The following TANK variants were observed in gnomAD, a reference collection of about 807,000 sequenced individuals.
The protein encoded by TANK is TRAF family member associated NFKB activator.
Under a neutral mutation model 43.6 loss-of-function variants are expected in TANK, and 15 were observed. The observed-to-expected ratio is 0.34, with a 90% CI of 0.23 to 0.53. TANK has a LOEUF of 0.53. Among genes scored for constraint, TANK ranks in the 20% least tolerant of loss-of-function variants. TANK has a pLI of 0.94. For synonymous variants in TANK, 162 were observed against 178.2 expected (o/e 0.91, Z 0.73); for missense variants, 417 against 498.6 (o/e 0.84, Z 1.56).
intron 4 of TANK, chr2:161,219,819 C>A: frequency 2.4e-6 from 1 of 415,250 alleles, no homozygotes; most frequent in South Asian, 1.8e-5. Flanking sequence ...TTTAACATTT[C>A]ATTCTTAGTT....
At chr2:161,203,436 A>G (rs1474757871) in intron 2 of TANK, 51 bp from the exon 3 acceptor site, 1 of 1,202,366 alleles carries the variant, frequency 8.3e-7, no homozygotes, top group Non-Finnish European at 1.2e-6. Flanking sequence ...TGGTAAATAT[A>G]TGTTCATGTC....
upstream of TANK, among the ~76,000 whole-genome samples, chr2:161,157,710 GTCTC>G (rs1684262428): frequency 6.6e-6 from 1 of 152,194 alleles, no homozygotes; most frequent in Non-Finnish European, 1.5e-5. Context: ...TTGAGACAGA[GTCTC>G]TCTCTGTTGC....
intron 2 of TANK, among the ~76,000 whole-genome samples, chr2:161,191,114 T>G (rs2105320647): frequency 6.6e-6 from 1 of 152,324 alleles, no homozygotes; most frequent in South Asian, 2.1e-4. Context: ...TCACTGCAAT[T>G]TGAGACTCAG....
chr2:161,153,915 G>T (rs1378955386), intron 1 of TANK, among the ~76,000 whole-genome samples: 2 of 152,104 alleles, frequency 1.3e-5, no homozygotes, highest in Non-Finnish European at 1.5e-5. Context: ...TATGAACGAG[G>T]CAACTTTAAC....
chr2:161,206,054 C>T (rs978277688), intron 4 of TANK, among the ~76,000 whole-genome samples: 4 of 151,932 alleles, frequency 2.6e-5, no homozygotes, highest in African/African-American at 4.8e-5. Context: ...TTTAGAAAAA[C>T]GATCACCTCT....
In TANK at chr2:161,236,088, C is replaced by T. The variant is rs1041924426; in HGVS notation, c.*570C>T. ...AACAACTGGTAGAATTATTTAAACA[C>T]TTTAGATTTTTAAATAATATACATG... On this transcript the variant is annotated 3_prime_UTR_variant, in exon 8 of 8. Coordinates refer to ENST00000392749, the MANE Select transcript of TANK (RefSeq NM_001199135.3). 1 of 151,510 alleles carries T rather than the reference C, an allele frequency of 6.6e-6. No individual in the cohort carries two copies. The highest frequency in any genetic ancestry group is 1.5e-5 in the Non-Finnish European group (1 of 67,946). 9.4% of individuals were successfully genotyped at this position (151,510 alleles called of 1,614,324 possible). A position where few individuals can be genotyped will look rare whatever the true frequency, so the allele number is the denominator to read the frequency against.
chr2:161,149,787 G>A (rs751818975), intron 1 of TANK, among the ~76,000 whole-genome samples: 54 of 150,276 alleles, frequency 3.6e-4, no homozygotes, highest in Admixed American at 6.0e-4. Flanking sequence ...TGCATTGCCC[G>A]AAGTGATTTT....
In TANK at chr2:161,211,775, A is replaced by T. The variant is rs1303811303; in HGVS notation, c.327+6982A>T. ...GCACACTGTACAATGGCACAGGCCA[A>T]TGTAGGCTGGGGCTTAGAGAACTGG... On this transcript the variant is annotated intron_variant, in intron 4 of 7. Transcript: ENST00000392749. The T allele has an allele frequency of 1.7e-5, 17 of 985,238 alleles. No individual in the cohort carries two copies. In the African/African-American group the frequency reaches 2.6e-4, roughly 15 times the overall value. The allele number at this position is 985,238 out of a possible 1,614,324, so 61.0% of individuals were successfully genotyped here. A position where few individuals can be genotyped will look rare whatever the true frequency, so the allele number is the denominator to read the frequency against.
chr2:161,167,463 A>G (rs1684734269), intron 1 of TANK, among the ~76,000 whole-genome samples: 1 of 152,116 alleles, frequency 6.6e-6, no homozygotes, highest in South Asian at 2.1e-4. Flanking sequence ...CAGACTTAAG[A>G]TATTGTATCT....
chr2:161,164,366 G>T (rs1341175652), intron 1 of TANK, among the ~76,000 whole-genome samples: 1 of 152,094 alleles, frequency 6.6e-6, no homozygotes, highest in Non-Finnish European at 1.5e-5. Context: ...TTTCCTGTAG[G>T]ATTTATGCTG....
chr2:161,174,854 A>G (rs969936737), intron 1 of TANK, among the ~76,000 whole-genome samples: 1 of 152,186 alleles, frequency 6.6e-6, no homozygotes. Flanking sequence ...TAAGAAATGC[A>G]TATAATCCTT....
intron 7 of TANK, among the ~76,000 whole-genome samples, chr2:161,233,657 G>T (rs1688034062): frequency 6.6e-6 from 1 of 151,990 alleles, no homozygotes; most frequent in African/African-American, 2.4e-5. Context: ...GATCAAATCT[G>T]AACTAAAAGT....
chr2:161,154,009 C>T (rs1241850570), intron 1 of TANK, among the ~76,000 whole-genome samples: 1 of 152,232 alleles, frequency 6.6e-6, no homozygotes, highest in Non-Finnish European at 1.5e-5. Context: ...ACCTAGGACT[C>T]TGCCTAGTGA....
chr2:161,193,411 A>G (rs979628458), intron 2 of TANK, among the ~76,000 whole-genome samples: 14 of 152,346 alleles, frequency 9.2e-5, no homozygotes, highest in African/African-American at 2.6e-4. Flanking sequence ...AATACAGTGC[A>G]TAAATATAAA....
intron 1 of TANK, chr2:161,160,966 C>A: frequency 2.3e-6 from 1 of 432,846 alleles, no homozygotes; most frequent in South Asian, 2.2e-5. Flanking sequence ...CACAATTCCC[C>A]TCTGCCTTCC....
At chr2:161,209,500 T>G (rs1220575974) in intron 4 of TANK, among the ~76,000 whole-genome samples, 3 of 152,222 alleles carry the variant, frequency 2.0e-5, no homozygotes, top group African/African-American at 7.2e-5. Flanking sequence ...AGGATTGTAA[T>G]GTACTGTGTC....
chr2:161,171,969 A>G (rs915029429), intron 1 of TANK, among the ~76,000 whole-genome samples: 1 of 152,176 alleles, frequency 6.6e-6, no homozygotes, highest in Non-Finnish European at 1.5e-5. Flanking sequence ...TTGAAAAATC[A>G]TTAGTACTAC....
intron 1 of TANK, among the ~76,000 whole-genome samples, chr2:161,153,105 C>G (rs1053232023): frequency 6.6e-6 from 1 of 152,020 alleles, no homozygotes; most frequent in Non-Finnish European, 1.5e-5. Flanking sequence ...TTGCTGAAAT[C>G]TGCTATTGAA....
chr2:161,205,242 A>G (rs1686595769), intron 4 of TANK, among the ~76,000 whole-genome samples: 1 of 152,096 alleles, frequency 6.6e-6, no homozygotes, highest in South Asian at 2.1e-4. Context: ...TTTGGGCCTA[A>G]GAAGTCAAGG....
Sources: allele counts gnomAD v4.1 joint callset (sites outside exome capture counted in the v4.1 genomes callset), GRCh38; gene constraint gnomAD v4.1.1; transcripts MANE v1.5; gene names NCBI Gene and HGNC (gene_info 2026-07-23, HGNC 2026-07-21).